GRIA4: variants seen among roughly 807,000 people sequenced by gnomAD.
The protein encoded by GRIA4 is glutamate receptor 4.
A neutral mutation model predicts 104.0 loss-of-function variants in GRIA4; 34 were observed. The observed-to-expected ratio is 0.33, with a 90% CI of 0.25 to 0.44. The LOEUF (loss-of-function observed/expected upper bound fraction) is 0.44. Ranked by LOEUF, GRIA4 falls within the 20% of genes least tolerant of loss-of-function variation. The pLI is 1.00. For missense variants in GRIA4, 750 were observed against 1,096.5 expected, an observed-to-expected ratio of 0.68 and a Z score of 4.46; for synonymous variants, 386 against 381.9, an observed-to-expected ratio of 1.01 and a Z score of -0.13.
At chr11:105,702,665 T>C (rs551109460) in intron 3 of GRIA4, among the ~76,000 whole-genome samples, 1 of 150,488 alleles carries the variant, frequency 6.6e-6, no homozygotes, top group African/African-American at 2.4e-5. Flanking sequence ...ACATGCAATC[T>C]TATAAGATAT....
Position 105,932,041 on chromosome 11 carries a change from T to C in GRIA4, c.2047-1681T>C, listed in dbSNP as rs534218493. On this transcript the variant is annotated intron_variant, in intron 13 of 16. Transcript: ENST00000282499. ...CACAAAGACGTAAGTCTGAATGAGGTCTTCACTTTTTTTTTTTTTGGATTC... is the reference window on the plus strand; with the variant it reads ...CACAAAGACGTAAGTCTGAATGAGGCCTTCACTTTTTTTTTTTTTGGATTC... Among the ~76,000 whole-genome samples the C allele has an allele frequency of 4.0e-3, 606 of 151,298 alleles. 5 individuals are homozygous for C. Among genetic ancestry groups the C allele is most frequent in the African/African-American group, 0.013 (559 of 41,476 alleles).
intron 3 of GRIA4, among the ~76,000 whole-genome samples, chr11:105,648,653 GA>G (rs1373630676): frequency 6.6e-6 from 1 of 151,918 alleles, no homozygotes; most frequent in East Asian, 1.9e-4. Flanking sequence ...ACAATCTGGA[GA>G]AAGAGAAATC....
chr11:105,905,509 AATT>A (rs1947012274), intron 9 of GRIA4, among the ~76,000 whole-genome samples: 1 of 152,178 alleles, frequency 6.6e-6, no homozygotes, highest in Admixed American at 6.5e-5. Flanking sequence ...GAAACAAACT[AATT>A]TATACACTGT....
intron 3 of GRIA4, among the ~76,000 whole-genome samples, chr11:105,695,892 T>C (rs1046771066): frequency 2.0e-5 from 3 of 152,158 alleles, no homozygotes; most frequent in Non-Finnish European, 2.9e-5. Flanking sequence ...TTGTATACCA[T>C]TGTATTCTAG....
At chr11:105,613,780 A>G (rs963124809) in intron 3 of GRIA4, 1 of 152,114 alleles carries the variant, frequency 6.6e-6, no homozygotes, top group Non-Finnish European at 1.5e-5. Flanking sequence ...TCACTTTTGC[A>G]AAGTGAATAA....
intron 3 of GRIA4, among the ~76,000 whole-genome samples, chr11:105,696,967 T>C (rs978475771): frequency 6.6e-6 from 1 of 152,150 alleles, no homozygotes; most frequent in African/African-American, 2.4e-5. Context: ...TTTCACCGTG[T>C]TGGCCAGGCT....
intron 12 of GRIA4, 79 bp downstream of exon 12, chr11:105,924,848 C>A (rs1947661534): frequency 1.8e-6 from 2 of 1,108,072 alleles, no homozygotes; most frequent in Non-Finnish European, 1.3e-6. Flanking sequence ...TCTACATGTT[C>A]TTTTCCTGAA....
intron 4 of GRIA4, among the ~76,000 whole-genome samples, chr11:105,854,952 C>T (rs1168465652): frequency 6.6e-6 from 1 of 152,258 alleles, no homozygotes; most frequent in South Asian, 2.1e-4. Flanking sequence ...GGGATAATAT[C>T]TACTTCACAG....
At chr11:105,637,195 GC>G (rs61676876) in intron 3 of GRIA4, among the ~76,000 whole-genome samples, 49,291 of 151,718 alleles carry the variant, frequency 0.32, 8,524 homozygotes, top group Admixed American at 0.46. Flanking sequence ...ATGATTAGAA[GC>G]TTTGTTATCC....
At chr11:105,822,887 T>C (rs1169427508) in intron 4 of GRIA4, among the ~76,000 whole-genome samples, 1 of 152,132 alleles carries the variant, frequency 6.6e-6, no homozygotes, top group Non-Finnish European at 1.5e-5. Flanking sequence ...AAATGTTGAG[T>C]AAATGTATTT....
At chr11:105,964,829 G>T (rs1321715019) in intron 14 of GRIA4, among the ~76,000 whole-genome samples, 2 of 147,960 alleles carry the variant, frequency 1.4e-5, no homozygotes, top group Non-Finnish European at 3.0e-5. Context: ...GTTTTGAGAC[G>T]AAGTTTTGCT....
chr11:105,711,023 A>T (rs1953890168), intron 3 of GRIA4, among the ~76,000 whole-genome samples: 1 of 152,086 alleles, frequency 6.6e-6, no homozygotes, highest in Non-Finnish European at 1.5e-5. Flanking sequence ...TTGTTTGAAG[A>T]TCGTAAATAC....
intron 3 of GRIA4, among the ~76,000 whole-genome samples, chr11:105,749,640 T>C (rs1253406150): frequency 6.6e-6 from 1 of 152,224 alleles, no homozygotes; most frequent in Admixed American, 6.5e-5. Context: ...ATCATTTGAC[T>C]TAGCGTGGCA....
intron 4 of GRIA4, among the ~76,000 whole-genome samples, chr11:105,828,110 C>T (rs1413922030): frequency 6.6e-6 from 1 of 151,968 alleles, no homozygotes; most frequent in Non-Finnish European, 1.5e-5. Context: ...TGACAATTGA[C>T]ATCACAATGT....
chr11:105,732,675 C>A (rs775340159), intron 3 of GRIA4, among the ~76,000 whole-genome samples: 5 of 152,122 alleles, frequency 3.3e-5, no homozygotes, highest in Non-Finnish European at 7.4e-5. Flanking sequence ...TTTACACGAT[C>A]CAATGCCAGT....
intron 5 of GRIA4, among the ~76,000 whole-genome samples, chr11:105,877,437 G>A (rs1591384522): frequency 6.6e-6 from 1 of 152,152 alleles, no homozygotes; most frequent in East Asian, 1.9e-4. Context: ...TCCATTTCCT[G>A]AATTTGAATA....
At chr11:105,978,834 T>A (rs762131186) in intron 16 of GRIA4, among the ~76,000 whole-genome samples, 3 of 152,228 alleles carry the variant, frequency 2.0e-5, no homozygotes, top group Non-Finnish European at 4.4e-5. Flanking sequence ...TAATGTTATC[T>A]GCTATGTAAT....
Position 105,850,824 on chromosome 11 carries a change from T to C in GRIA4, c.488-11200T>C, listed in dbSNP as rs369118158. On this transcript the variant is annotated intron_variant, in intron 4 of 16. Coordinates refer to ENST00000282499, the MANE Select transcript of GRIA4 (RefSeq NM_000829.4). ...GCCACCACACTTCTTGGAAATATCA[T>C]TGTATCCAGCAGTGCTTCGTGGTCA... is the stretch of plus-strand genomic sequence containing the variant. Among the ~76,000 whole-genome samples, 33 of 152,296 alleles carry C rather than the reference T, an allele frequency of 2.2e-4. No homozygotes were observed. In the South Asian group the frequency reaches 3.5e-3, roughly 16 times the overall value.
At chr11:105,868,372 T>C (rs769464421) in intron 5 of GRIA4, among the ~76,000 whole-genome samples, 3 of 152,188 alleles carry the variant, frequency 2.0e-5, no homozygotes, top group African/African-American at 7.2e-5. Context: ...AGCAGAAATG[T>C]AGATTCCTTG....
Sources: gnomAD v4.1 joint callset for allele counts (sites outside exome capture counted in the v4.1 genomes callset) on GRCh38, gnomAD v4.1.1 for gene constraint, MANE v1.5 for transcripts, NCBI Gene and HGNC (gene_info 2026-07-23, HGNC 2026-07-21) for gene names.